Variants in DPF3 observed in about 807,000 individuals in gnomAD.
The protein encoded by DPF3 is zinc finger protein DPF3.
Under a neutral mutation model 56.8 loss-of-function variants are expected in DPF3, and 18 were observed. That is an observed-to-expected ratio of 0.32 (90% confidence interval 0.22 to 0.47). The LOEUF is 0.47. Among genes scored for constraint, DPF3 ranks in the 20% least tolerant of loss-of-function variants. The pLI is 1.00. For missense variants in DPF3, 403 were observed against 488.8 expected, an observed-to-expected ratio of 0.82 and a Z score of 1.65; for synonymous variants, 188 against 180.2, an observed-to-expected ratio of 1.04 and a Z score of -0.35.
chr14:72,676,528 A>G (rs1008936296), intron 7 of DPF3, among the ~76,000 whole-genome samples: 4 of 152,210 alleles, frequency 2.6e-5, no homozygotes, highest in African/African-American at 9.7e-5. Flanking sequence ...GCCCCCACCC[A>G]AATCTCATCT....
At chr14:72,717,894 C>T (rs879915909) in intron 5 of DPF3, among the ~76,000 whole-genome samples, 21 of 152,232 alleles carry the variant, frequency 1.4e-4, no homozygotes, top group Non-Finnish European at 2.9e-4. Context: ...AGTATTCCCA[C>T]ACTGCTGGGC....
chr14:72,807,269 C>T (rs1882824249), intron 1 of DPF3, among the ~76,000 whole-genome samples: 1 of 152,208 alleles, frequency 6.6e-6, no homozygotes, highest in Non-Finnish European at 1.5e-5. Context: ...TTTCTGTTTT[C>T]CCATCAATAA....
intron 1 of DPF3, among the ~76,000 whole-genome samples, chr14:72,841,926 A>C (rs1884558338): frequency 6.6e-6 from 1 of 151,986 alleles, no homozygotes; most frequent in Non-Finnish European, 1.5e-5. Flanking sequence ...TCTACAAAAG[A>C]AATTTTTTTG....
intron 9 of DPF3, among the ~76,000 whole-genome samples, chr14:72,624,602 G>A (rs1884704025): frequency 6.6e-6 from 1 of 152,164 alleles, no homozygotes; most frequent in Non-Finnish European, 1.5e-5. Flanking sequence ...GCCTCCCAAA[G>A]TGCTGGGATT....
intron 1 of DPF3, among the ~76,000 whole-genome samples, chr14:72,859,480 C>CCG (rs1567259828): frequency 1.0e-5 from 1 of 100,412 alleles, no homozygotes. Flanking sequence ...CCCCCCCCCC[C>CCG]CCCACACCAT....
intron 1 of DPF3, among the ~76,000 whole-genome samples, chr14:72,844,461 C>T (rs1469357828): frequency 6.6e-6 from 1 of 152,124 alleles, no homozygotes; most frequent in African/African-American, 2.4e-5. Context: ...AAAAGGATTG[C>T]TTACCACTGA....
At chr14:72,722,317 C>T (rs754480933) in intron 5 of DPF3, among the ~76,000 whole-genome samples, 9 of 152,308 alleles carry the variant, frequency 5.9e-5, no homozygotes, top group Non-Finnish European at 8.8e-5. Flanking sequence ...GAGAGCTGCC[C>T]GCCCAGCCCC....
intron 4 of DPF3, among the ~76,000 whole-genome samples, chr14:72,724,712 T>G (rs939247954): frequency 1.0e-4 from 4 of 38,130 alleles, no homozygotes; most frequent in African/African-American, 1.5e-4. Context: ...TTTTTGTTTG[T>G]TTTTTTTTTT....
At chr14:72,693,627 G>A (rs1221306797) in intron 6 of DPF3, among the ~76,000 whole-genome samples, 1 of 152,162 alleles carries the variant, frequency 6.6e-6, no homozygotes, top group Non-Finnish European at 1.5e-5. Context: ...GAGGGTAATT[G>A]TTATGACGTT....
chr14:72,621,071 G>A (rs1567178428), intron 9 of DPF3, among the ~76,000 whole-genome samples: 1 of 151,762 alleles, frequency 6.6e-6, no homozygotes, highest in Non-Finnish European at 1.5e-5. Context: ...AACCCGGGAG[G>A]TGGAGGTTGC....
chr14:72,807,056 A>T lies in DPF3; in HGVS notation c.33-35163T>A, dbSNP rs1045505059. Reference sequence around the variant, plus strand: ...GCTGCCCTACCCCGCAGGGTCAGGGAGGTGAGTTTTCTCTCACCTTGGGTA... The same window carrying T: ...GCTGCCCTACCCCGCAGGGTCAGGGTGGTGAGTTTTCTCTCACCTTGGGTA... On this transcript the variant is annotated intron_variant, in intron 1 of 10. Coordinates refer to ENST00000556509, the MANE Select transcript of DPF3 (RefSeq NM_001280542.3). Among the ~76,000 whole-genome samples the T allele has an allele frequency of 3.3e-5, 5 of 152,082 alleles. No individual in the cohort carries two copies. In the South Asian group the frequency reaches 6.2e-4, roughly 19 times the overall value.
rs78950914 is a variant in DPF3, at chr14:72,770,368, A to C, written c.193+1365T>G. ...GACAGAGAGAAACCCAGAGATGTTA[A>C]AAGACACATTAACCAGTTGCAATGT... is the stretch of plus-strand genomic sequence containing the variant. On this transcript the variant is annotated intron_variant, in intron 2 of 10. Transcript: ENST00000556509. Among the ~76,000 whole-genome samples the C allele has an allele frequency of 5.8e-3, 887 of 152,330 alleles. 9 individuals carry two copies. The highest frequency in any genetic ancestry group is 0.02 in the African/African-American group (852 of 41,568).
chr14:72,830,235 C>T (rs17781618), intron 1 of DPF3, among the ~76,000 whole-genome samples: 12,819 of 152,236 alleles, frequency 0.084, 742 homozygotes, highest in South Asian at 0.18. Context: ...GACCAATTAA[C>T]ACTGGACTGA....
intron 6 of DPF3, among the ~76,000 whole-genome samples, chr14:72,701,511 C>A (rs777134125): frequency 1.3e-5 from 2 of 152,162 alleles, no homozygotes; most frequent in African/African-American, 4.8e-5. Flanking sequence ...CGCCCCCTGC[C>A]CTCCTTCAAA....
At chr14:72,638,819 ATT>A (rs71109742) in intron 8 of DPF3, among the ~76,000 whole-genome samples, 24 of 141,690 alleles carry the variant, frequency 1.7e-4, no homozygotes, top group Middle Eastern at 3.8e-3. Context: ...TTTGTTTTAC[ATT>A]TTTTTTTTTT....
chr14:72,654,089 C>T (rs1330230887), intron 8 of DPF3, among the ~76,000 whole-genome samples: 1 of 152,184 alleles, frequency 6.6e-6, no homozygotes, highest in African/African-American at 2.4e-5. Context: ...GCATCCTGCT[C>T]AAGAGCTCGT....
intron 2 of DPF3, among the ~76,000 whole-genome samples, chr14:72,758,736 A>C (rs1890943468): frequency 6.6e-6 from 1 of 152,170 alleles, no homozygotes; most frequent in Non-Finnish European, 1.5e-5. Context: ...TTGCCTCACT[A>C]ATAGGGAATA....
At chr14:72,800,436 G>A (rs946959560) in intron 1 of DPF3, among the ~76,000 whole-genome samples, 3 of 152,120 alleles carry the variant, frequency 2.0e-5, no homozygotes, top group Non-Finnish European at 4.4e-5. Context: ...ACACATGGAT[G>A]GATGCATGGA....
rs185256888 is a variant in DPF3, at chr14:72,802,432, T to A, written c.33-30539A>T. Among the ~76,000 whole-genome samples, 12 of 152,300 alleles carry A rather than the reference T, an allele frequency of 7.9e-5. No individual in the cohort carries two copies. The East Asian group carries it at 2.3e-3, about 29-fold the overall frequency. ...TGCTGTGAGTCCCTGTCTCTCAGAC[T>A]GGCTAATCTCCAAGGGCCTGCCAGG... On this transcript the variant is annotated intron_variant, in intron 1 of 10. Coordinates refer to ENST00000556509, the MANE Select transcript of DPF3 (RefSeq NM_001280542.3).
Sources: allele counts gnomAD v4.1 joint callset (sites outside exome capture counted in the v4.1 genomes callset), GRCh38; gene constraint gnomAD v4.1.1; transcripts MANE v1.5; gene names NCBI Gene and HGNC (gene_info 2026-07-23, HGNC 2026-07-21).